The following UGGT2 variants were observed in gnomAD, a reference collection of about 807,000 sequenced individuals.
UGGT2 encodes UDP-glucose:glycoprotein glucosyltransferase 2.
In UGGT2, 180 loss-of-function variants were observed where a neutral mutation model predicts 192.1. The ratio of observed to expected loss-of-function variants is 0.94; its 90% CI spans 0.83 to 1.06. The LOEUF is 1.06. UGGT2 is among the 50% of genes least tolerant of loss of function. The probability of loss-of-function intolerance (pLI) is 0.00; values close to 1 mark genes in which losing one functional copy is unlikely to be tolerated. For missense variants in UGGT2, 1,849 were observed against 1,795.7 expected (o/e 1.03, Z -0.54); for synonymous variants, 580 against 591.0 (o/e 0.98, Z 0.27).
chr13:95,843,363 T>C (rs1888063550), intron 36 of UGGT2, among the ~76,000 whole-genome samples: 1 of 152,238 alleles, frequency 6.6e-6, no homozygotes, highest in African/African-American at 2.4e-5. Context: ...CCCTAATCAC[T>C]AATGATGTTT....
chr13:95,813,008 C>T (rs1566534683), intron 38 of UGGT2, among the ~76,000 whole-genome samples: 1 of 152,172 alleles, frequency 6.6e-6, no homozygotes, highest in South Asian at 2.1e-4. Context: ...TGGCACCATG[C>T]TTGTACAGCC....
At chr13:95,982,972 C>G (rs1307718616) in intron 10 of UGGT2, among the ~76,000 whole-genome samples, 3 of 152,166 alleles carry the variant, frequency 2.0e-5, no homozygotes, top group African/African-American at 7.2e-5. Flanking sequence ...TTGTTGACAG[C>G]TCACTCTGTC....
intron 2 of UGGT2, among the ~76,000 whole-genome samples, chr13:96,031,220 T>A (rs1474550039): frequency 6.6e-6 from 1 of 152,156 alleles, no homozygotes; most frequent in Non-Finnish European, 1.5e-5. Context: ...TCTAAAAAAA[T>A]TAAGTCTACT....
At chr13:95,845,419 T>G (rs956269735) in intron 36 of UGGT2, among the ~76,000 whole-genome samples, 1 of 131,102 alleles carries the variant, frequency 7.6e-6, no homozygotes, top group Admixed American at 8.0e-5. Context: ...AAGCACATCT[T>G]GCACCGCCCT....
At chr13:96,012,228 A>C (rs1211235712) in intron 5 of UGGT2, among the ~76,000 whole-genome samples, 1 of 152,020 alleles carries the variant, frequency 6.6e-6, no homozygotes, top group East Asian at 1.9e-4. Flanking sequence ...GAAGACCAAT[A>C]ATTTTTCATA....
intron 1 of UGGT2, among the ~76,000 whole-genome samples, chr13:96,052,517 G>C (rs941543368): frequency 6.6e-6 from 1 of 152,236 alleles, no homozygotes; most frequent in Admixed American, 6.5e-5. Flanking sequence ...AACTTATGTG[G>C]AGTCATGGAG....
At chr13:95,965,118 T>G (rs9562000) in intron 12 of UGGT2, among the ~76,000 whole-genome samples, 57,284 of 149,246 alleles carry the variant, frequency 0.38, 11,287 homozygotes, top group Middle Eastern at 0.45. Flanking sequence ...TGTGGAGAAA[T>G]AGGAACACTT....
In UGGT2 at chr13:95,846,097, G is replaced by A. The variant is rs562845464; in HGVS notation, c.4284+7446C>T. ...GCGGCTGGGAGGTGGAGGTTGTAGG[G>A]AGCCGAGATCACGCCACTGCACTCC... On this transcript the variant is annotated intron_variant, in intron 36 of 38. Coordinates refer to ENST00000376747, the MANE Select transcript of UGGT2 (RefSeq NM_020121.4). Among the ~76,000 whole-genome samples the A allele has an allele frequency of 2.0e-5, 3 of 152,282 alleles. No individual in the cohort carries two copies. In the East Asian group the frequency reaches 5.8e-4, roughly 29 times the overall value.
rs1376644835 is a variant in UGGT2, at chr13:95,852,166, A to C, written c.4284+1377T>G. Among the ~76,000 whole-genome samples the C allele has an allele frequency of 3.9e-5, 6 of 152,324 alleles. No individual in the cohort carries two copies. In the East Asian group the frequency reaches 7.7e-4, roughly 20 times the overall value. On this transcript the variant is annotated intron_variant, in intron 36 of 38. Coordinates refer to ENST00000376747, the MANE Select transcript of UGGT2 (RefSeq NM_020121.4). ...ATAATTTCCCACTTACTAGATTTTT[A>C]AACAAAGGGACTAAGCTTTCTACAT...
At chr13:95,998,205 G>A (rs963885202) in intron 6 of UGGT2, among the ~76,000 whole-genome samples, 1 of 152,174 alleles carries the variant, frequency 6.6e-6, no homozygotes, top group Admixed American at 6.5e-5. Flanking sequence ...AAAGGTTGAT[G>A]ACAGAATGCA....
intron 12 of UGGT2, among the ~76,000 whole-genome samples, chr13:95,950,414 T>C (rs536759741): frequency 1.1e-4 from 16 of 151,932 alleles, no homozygotes; most frequent in Non-Finnish European, 2.2e-4. Flanking sequence ...GACACAAAAA[T>C]AGTAGAGCCT....
chr13:96,048,296 G>T (rs489179), intron 1 of UGGT2, among the ~76,000 whole-genome samples: 45,833 of 152,010 alleles, frequency 0.3, 7,513 homozygotes, highest in Admixed American at 0.37. Context: ...TAAGAACAAA[G>T]ACACAACATA....
rs182544686 is a variant in UGGT2, at chr13:96,053,384, T to A, written c.-72A>T. 9.1e-4 allele frequency: 1,384 copies of A among 1,518,738 alleles called. 17 individuals carry two copies. The African/African-American group carries it at 0.017, about 19-fold the overall frequency. The allele number at this position is 1,518,738 out of a possible 1,614,324, so 94.1% of individuals were successfully genotyped here. On this transcript the variant is annotated 5_prime_UTR_variant, in exon 1 of 39. Transcript: ENST00000376747. ...CTGTGGCCGCCACGCTTCGGCCGGC[T>A]CTTCCCGCTGCGCGGCTGCCCACTT... is the stretch of plus-strand genomic sequence containing the variant.
At chr13:95,924,444 GCTA>G (rs2140423440) in intron 20 of UGGT2, among the ~76,000 whole-genome samples, 1 of 112,002 alleles carries the variant, frequency 8.9e-6, no homozygotes, top group South Asian at 3.0e-4. Context: ...CGGTCTGCAG[GCTA>G]CTGAGTAAAG....
intron 20 of UGGT2, among the ~76,000 whole-genome samples, chr13:95,919,884 C>A (rs1408130200): frequency 6.6e-6 from 1 of 152,104 alleles, no homozygotes; most frequent in African/African-American, 2.4e-5. Flanking sequence ...CAAAAAAGAG[C>A]CCGAATAGTC....
intron 17 of UGGT2, among the ~76,000 whole-genome samples, chr13:95,936,516 C>T (rs1399656934): frequency 6.6e-6 from 1 of 152,240 alleles, no homozygotes; most frequent in Non-Finnish European, 1.5e-5. Context: ...GCAGGCCTGC[C>T]TACAGGTACC....
chr13:95,905,622 T>C (rs2048263501), intron 20 of UGGT2, among the ~76,000 whole-genome samples: 1 of 152,122 alleles, frequency 6.6e-6, no homozygotes, highest in South Asian at 2.1e-4. Context: ...TGCGGCGTTA[T>C]TTCTGAGGGT....
intron 38 of UGGT2, among the ~76,000 whole-genome samples, chr13:95,807,477 A>G (rs1289171066): frequency 6.6e-6 from 1 of 152,190 alleles, no homozygotes; most frequent in East Asian, 1.9e-4. Flanking sequence ...TCTCCATATC[A>G]TAGAGGGATC....
intron 36 of UGGT2, among the ~76,000 whole-genome samples, chr13:95,838,164 G>T (rs1029659526): frequency 9.2e-5 from 14 of 152,030 alleles, no homozygotes; most frequent in Admixed American, 3.3e-4. Flanking sequence ...TACCAGCAAT[G>T]AACAAACATA....
Sources: allele counts gnomAD v4.1 joint callset (sites outside exome capture counted in the v4.1 genomes callset), GRCh38; gene constraint gnomAD v4.1.1; transcripts MANE v1.5; gene names NCBI Gene and HGNC (gene_info 2026-07-23, HGNC 2026-07-21).